ESR1: variants seen among roughly 807,000 people sequenced by gnomAD.
The protein encoded by ESR1 is estrogen receptor.
Under a neutral mutation model 52.7 loss-of-function variants are expected in ESR1, and 12 were observed. The ratio of observed to expected loss-of-function variants is 0.23; its 90% CI spans 0.15 to 0.37. The LOEUF (loss-of-function observed/expected upper bound fraction) is 0.37, where lower values mean the gene tolerates loss of function less well. ESR1 is among the 10% of genes least tolerant of loss of function. ESR1 has a pLI of 1.00. For synonymous variants in ESR1, 305 were observed against 316.8 expected (o/e 0.96, Z 0.39); for missense variants, 584 against 779.7 (o/e 0.75, Z 2.99).
At chr6:152,110,713 C>G (rs576433550) in intron 6 of ESR1, among the ~76,000 whole-genome samples, 33 of 152,328 alleles carry the variant, frequency 2.2e-4, no homozygotes, top group Admixed American at 2.1e-3. Context: ...TTTAAGCAAG[C>G]TTTCACATTT....
At chr6:152,028,863 C>A (rs1034361848) in intron 5 of ESR1, among the ~76,000 whole-genome samples, 24 of 152,216 alleles carry the variant, frequency 1.6e-4, no homozygotes, top group Non-Finnish European at 4.4e-5. Context: ...GGGTCCCTGA[C>A]CCCCGAGTAG....
In ESR1 at chr6:152,033,736, C is replaced by T. The variant is rs1467515729; in HGVS notation, c.1235+21942C>T. Among the ~76,000 whole-genome samples, 7 of 152,108 alleles carry T rather than the reference C, an allele frequency of 4.6e-5. 1 individual carries two copies. In the South Asian group the frequency reaches 6.2e-4, roughly 14 times the overall value. On this transcript the variant is annotated intron_variant, in intron 5 of 7. Coordinates refer to ENST00000206249, the MANE Select transcript of ESR1 (RefSeq NM_000125.4). Reference sequence around the variant, plus strand: ...TCAACCATTGTGGAATTCAGTGTGGCGATTCCTCAGGGATCTAGAACTAGA... The same window carrying T: ...TCAACCATTGTGGAATTCAGTGTGGTGATTCCTCAGGGATCTAGAACTAGA...
At chr6:151,773,699 C>G (rs977042733) in intron 2 of ESR1, among the ~76,000 whole-genome samples, 4 of 152,162 alleles carry the variant, frequency 2.6e-5, no homozygotes, top group African/African-American at 9.7e-5. Flanking sequence ...AAGTAGGAAT[C>G]CTGACATCTT....
intron 6 of ESR1, among the ~76,000 whole-genome samples, chr6:152,122,901 G>C (rs536614114): frequency 6.6e-6 from 1 of 152,162 alleles, no homozygotes; most frequent in African/African-American, 2.4e-5. Flanking sequence ...TCAACTAAAC[G>C]TAAGTAATTA....
chr6:152,126,956 T>C (rs367901282), exon 7 of ESR1: 1 of 152,370 alleles, frequency 6.6e-6, no homozygotes, highest in East Asian at 1.9e-4. Context: ...ACTGGCAGTA[T>C]GTAACAGATT....
chr6:151,997,102 C>G (rs925844272), intron 4 of ESR1, among the ~76,000 whole-genome samples: 4 of 151,702 alleles, frequency 2.6e-5, no homozygotes, highest in African/African-American at 9.7e-5. Context: ...CAAAGCAACA[C>G]AAAACAAAAA....
At chr6:152,048,249 G>A (rs1053462745) in intron 5 of ESR1, among the ~76,000 whole-genome samples, 1 of 150,902 alleles carries the variant, frequency 6.6e-6, no homozygotes, top group Non-Finnish European at 1.5e-5. Flanking sequence ...GCATGTGCCT[G>A]AAGTCCCAGT....
chr6:151,823,620 C>G (rs1023488438), intron 1 of ESR1, among the ~76,000 whole-genome samples: 2 of 152,192 alleles, frequency 1.3e-5, no homozygotes, highest in South Asian at 2.1e-4. Flanking sequence ...ATCCCTCCCC[C>G]CTACCCCCAC....
At chr6:151,900,294 ATTG>A (rs1413602363) in intron 3 of ESR1, among the ~76,000 whole-genome samples, 2 of 152,012 alleles carry the variant, frequency 1.3e-5, no homozygotes, top group Non-Finnish European at 2.9e-5. Context: ...TGAAGTTGTG[ATTG>A]TTTTTTATTT....
intron 1 of ESR1, among the ~76,000 whole-genome samples, chr6:151,828,565 A>C (rs1021021291): frequency 6.6e-6 from 1 of 152,224 alleles, no homozygotes; most frequent in Non-Finnish European, 1.5e-5. Context: ...TGCAAAGTAC[A>C]TGGAAGGGGA....
At position 151,656,734 on chromosome 6, in the gene ESR1, G is replaced by A. The variant is rs534912963; in HGVS notation, n.44G>A. 306 of 152,270 alleles carry A rather than the reference G, an allele frequency of 2.0e-3. 3 individuals are homozygous for A. The highest frequency in any genetic ancestry group is 7.0e-3 in the African/African-American group (292 of 41,574). The allele number at this position is 152,270 out of a possible 1,614,324, so 9.4% of individuals were successfully genotyped here. ...AAATCTGATACCAATCCTTTTGATT[G>A]TGAATTATATTCTGTAGCTACCAAA... is the stretch of plus-strand genomic sequence containing the variant. On this transcript the variant is annotated non_coding_transcript_exon_variant, in exon 1 of 3. Coordinates refer to the ESR1 transcript ENST00000473497.
intron 4 of ESR1, among the ~76,000 whole-genome samples, chr6:151,977,951 G>GA (rs576847510): frequency 1.7e-4 from 12 of 68,650 alleles, no homozygotes; most frequent in African/African-American, 3.8e-4. Flanking sequence ...GAGACAGCAG[G>GA]AAAAAAAAAA....
chr6:151,744,407 C>T (rs934349823), intron 2 of ESR1, among the ~76,000 whole-genome samples: 4 of 152,186 alleles, frequency 2.6e-5, no homozygotes, highest in African/African-American at 9.7e-5. Flanking sequence ...TGATTATAGC[C>T]ATCCCAGTGT....
At chr6:151,712,621 C>G (rs886687915) in intron 2 of ESR1, among the ~76,000 whole-genome samples, 6 of 152,118 alleles carry the variant, frequency 3.9e-5, no homozygotes, top group Non-Finnish European at 8.8e-5. Flanking sequence ...TGGAAGTGCA[C>G]TCATGATTTG....
intron 3 of ESR1, among the ~76,000 whole-genome samples, chr6:151,910,667 T>C (rs1439349859): frequency 6.6e-6 from 1 of 152,208 alleles, no homozygotes; most frequent in Non-Finnish European, 1.5e-5. Context: ...TCAAATTGTA[T>C]AGCCATTGTT....
intron 5 of ESR1, among the ~76,000 whole-genome samples, chr6:152,026,335 G>T (rs1345514690): frequency 1.3e-5 from 2 of 151,832 alleles, no homozygotes; most frequent in African/African-American, 4.8e-5. Flanking sequence ...AAAAGCTATT[G>T]ATTTATTTAA....
Position 152,053,445 on chromosome 6 carries a change from C to G in ESR1, c.1236-7546C>G, listed in dbSNP as rs1284032252. ...CCCTCTCTCTTTCAATCTTTCTCTC[C>G]CTCAGTCTCTCTTTCTCTTTCCCTC... On this transcript the variant is annotated intron_variant, in intron 5 of 7. Transcript: ENST00000206249. This position sits in a 1 kb window ranked among gnomAD's most constrained non-coding sequence, Gnocchi z 4.1. Among the ~76,000 whole-genome samples, 1 of 151,896 alleles carries G rather than the reference C, an allele frequency of 6.6e-6. No individual in the cohort carries two copies. Among genetic ancestry groups the G allele is most frequent in the East Asian group, 1.9e-4 (1 of 5,176 alleles).
At chr6:151,952,163 G>C (rs567663312) in intron 4 of ESR1, among the ~76,000 whole-genome samples, 186 of 152,304 alleles carry the variant, frequency 1.2e-3, no homozygotes, top group African/African-American at 4.2e-3. Context: ...TCAATTAACA[G>C]TTTGGCATTA....
chr6:152,018,605 G>GCGGGGTGTTGGGGGTGGAAGGAA (rs2043353999), intron 5 of ESR1, among the ~76,000 whole-genome samples: 1 of 152,012 alleles, frequency 6.6e-6, no homozygotes, highest in Non-Finnish European at 1.5e-5. Context: ...GGTGGAAGGA[G>GCGGGGTGTTGGGGGTGGAAGGAA]CAGGTTTTGG....
Sources: allele counts gnomAD v4.1 joint callset (sites outside exome capture counted in the v4.1 genomes callset), GRCh38; gene constraint gnomAD v4.1.1; non-coding constraint Gnocchi (gnomAD v3.1); transcripts MANE v1.5; gene names NCBI Gene and HGNC (gene_info 2026-07-23, HGNC 2026-07-21).